SLC39A11: variants seen among roughly 807,000 people sequenced by gnomAD.
SLC39A11 encodes the protein solute carrier family 39 member 11, also known as zinc transporter ZIP11.
A neutral mutation model predicts 36.1 loss-of-function variants in SLC39A11; 33 were observed. The ratio of observed to expected loss-of-function variants is 0.91; its 90% CI spans 0.69 to 1.22. SLC39A11 has a LOEUF of 1.22. Ranked by LOEUF, SLC39A11 falls within the 50% of genes most tolerant of loss-of-function variation. SLC39A11 has a pLI of 0.00. For missense variants in SLC39A11, 432 were observed against 430.3 expected, an observed-to-expected ratio of 1.00 and a Z score of -0.03; for synonymous variants, 166 against 170.3, an observed-to-expected ratio of 0.97 and a Z score of 0.20.
intron 6 of SLC39A11, among the ~76,000 whole-genome samples, chr17:72,742,719 T>C (rs1257035856): frequency 6.6e-6 from 1 of 152,184 alleles, no homozygotes; most frequent in African/African-American, 2.4e-5. Flanking sequence ...ACTTTTAATG[T>C]TTAAAACTGA....
rs377237284 is a variant in SLC39A11, at chr17:72,775,058, C to T, written c.602-38339G>A. On this transcript the variant is annotated intron_variant, in intron 6 of 9. Coordinates refer to ENST00000255559, the MANE Select transcript of SLC39A11 (RefSeq NM_139177.4). ...AGCAGAAACTCTCTGATTTGGAGGGCTGGCTAATATTGTGAGCACCCATTC... is the reference window on the plus strand; with the variant it reads ...AGCAGAAACTCTCTGATTTGGAGGGTTGGCTAATATTGTGAGCACCCATTC... Among the ~76,000 whole-genome samples, 760 of 152,222 alleles carry T rather than the reference C, an allele frequency of 5.0e-3. 8 individuals carry two copies. The highest frequency in any genetic ancestry group is 0.017 in the African/African-American group (723 of 41,538).
intron 7 of SLC39A11, among the ~76,000 whole-genome samples, chr17:72,703,171 T>C (rs1720568853): frequency 6.6e-6 from 1 of 152,048 alleles, no homozygotes; most frequent in Non-Finnish European, 1.5e-5. Context: ...GGGGTTTCCA[T>C]CAGGAGTGGA....
At chr17:72,797,348 G>A (rs2076930749) in intron 6 of SLC39A11, among the ~76,000 whole-genome samples, 3 of 152,112 alleles carry the variant, frequency 2.0e-5, no homozygotes, top group South Asian at 2.1e-4. Flanking sequence ...GTGAAATGGG[G>A]TTGTAGGAAC....
chr17:72,823,865 C>T (rs1306455208), intron 6 of SLC39A11: 4 of 151,362 alleles, frequency 2.6e-5, no homozygotes, highest in Non-Finnish European at 4.4e-5. Flanking sequence ...AGTGCTGTTT[C>T]TTGCAGCTAA....
At chr17:72,893,924 C>A (rs537688816) in intron 5 of SLC39A11, among the ~76,000 whole-genome samples, 1 of 152,246 alleles carries the variant, frequency 6.6e-6, no homozygotes, top group South Asian at 2.1e-4. Context: ...CTGCTATATA[C>A]CAGGCCCTGT....
intron 4 of SLC39A11, among the ~76,000 whole-genome samples, chr17:73,016,808 G>T (rs2058184408): frequency 6.6e-6 from 1 of 152,226 alleles, no homozygotes; most frequent in African/African-American, 2.4e-5. Flanking sequence ...TCAGCCTTCA[G>T]TTGGTTCCCT....
chr17:72,904,406 C>A (rs925953428), intron 5 of SLC39A11, among the ~76,000 whole-genome samples: 3 of 152,174 alleles, frequency 2.0e-5, no homozygotes, highest in African/African-American at 7.2e-5. Context: ...ATACAGTGTC[C>A]AAAATAAGGA....
intron 6 of SLC39A11, among the ~76,000 whole-genome samples, chr17:72,804,582 T>C (rs2077193520): frequency 6.6e-6 from 1 of 152,198 alleles, no homozygotes; most frequent in African/African-American, 2.4e-5. Context: ...CATTTGTTGA[T>C]GAGTAAGGCA....
At chr17:72,708,776 G>C (rs956881389) in intron 7 of SLC39A11, among the ~76,000 whole-genome samples, 4 of 152,196 alleles carry the variant, frequency 2.6e-5, no homozygotes, top group African/African-American at 9.7e-5. Flanking sequence ...AGAAGCTGTA[G>C]CTAGCTCAAT....
intron 3 of SLC39A11, among the ~76,000 whole-genome samples, chr17:73,066,610 C>G (rs918593660): frequency 2.0e-5 from 3 of 152,206 alleles, no homozygotes; most frequent in African/African-American, 7.2e-5. Flanking sequence ...CATTAATACA[C>G]TACATCCCCT....
chr17:72,890,424 A>C (rs1324674921), intron 5 of SLC39A11, among the ~76,000 whole-genome samples: 1 of 152,212 alleles, frequency 6.6e-6, no homozygotes, highest in Non-Finnish European at 1.5e-5. Flanking sequence ...CAAAATCAGC[A>C]GGGCTTGGTA....
chr17:73,065,953 G>A (rs979379014), intron 3 of SLC39A11, among the ~76,000 whole-genome samples: 2 of 152,144 alleles, frequency 1.3e-5, no homozygotes, highest in African/African-American at 4.8e-5. Flanking sequence ...AGTGACAGCT[G>A]AGAATGGCCA....
At position 72,846,018 on chromosome 17, in the gene SLC39A11, C is replaced by CTTTTTTTTTTTTTTTTTTTTTT. The variant is rs569100122; in HGVS notation, c.601+3594_601+3615dup. On this transcript the variant is annotated intron_variant, in intron 6 of 9. Coordinates refer to ENST00000255559, the MANE Select transcript of SLC39A11 (RefSeq NM_139177.4). ...CCAATGAATCTCTCTCTCTCTCTCT[C>CTTTTTTTTTTTTTTTTTTTTTT]TTTTTTTTTTTTTTTTTTTTTTTTT... Among the ~76,000 whole-genome samples the CTTTTTTTTTTTTTTTTTTTTTT allele has an allele frequency of 2.1e-4, 12 of 57,954 alleles. 3 individuals carry two copies. Among genetic ancestry groups the CTTTTTTTTTTTTTTTTTTTTTT allele is most frequent in the African/African-American group, 8.5e-4 (10 of 11,710 alleles). 38.0% of individuals were successfully genotyped at this position (57,954 alleles called of 152,430 possible).
At chr17:73,001,715 A>T (rs2089834679) in intron 4 of SLC39A11, among the ~76,000 whole-genome samples, 1 of 152,130 alleles carries the variant, frequency 6.6e-6, no homozygotes, top group Non-Finnish European at 1.5e-5. Context: ...TTCAAGCCAT[A>T]CAAGTCCAGC....
intron 6 of SLC39A11, chr17:72,838,221 C>A: frequency 5.3e-6 from 2 of 376,880 alleles, no homozygotes; most frequent in Non-Finnish European, 4.6e-6. Flanking sequence ...ATTTATTTTT[C>A]TTTCCTTTTC....
intron 4 of SLC39A11, among the ~76,000 whole-genome samples, chr17:72,983,385 G>A (rs2088479560): frequency 6.6e-6 from 1 of 152,344 alleles, no homozygotes; most frequent in South Asian, 2.1e-4. Flanking sequence ...CTGACCTCAA[G>A]TGAACCACCT....
intron 7 of SLC39A11, among the ~76,000 whole-genome samples, chr17:72,697,862 C>A (rs987593835): frequency 3.3e-5 from 5 of 152,156 alleles, no homozygotes; most frequent in African/African-American, 1.2e-4. Context: ...ATACTCCTGC[C>A]AATGCCCCCT....
chr17:72,803,040 A>C (rs1405867190), intron 6 of SLC39A11, among the ~76,000 whole-genome samples: 1 of 152,214 alleles, frequency 6.6e-6, no homozygotes, highest in Non-Finnish European at 1.5e-5. Flanking sequence ...CCTTTCTATC[A>C]AACAAAAACG....
chr17:72,723,225 T>C (rs1339121950), intron 7 of SLC39A11, among the ~76,000 whole-genome samples: 1 of 152,096 alleles, frequency 6.6e-6, no homozygotes, highest in Non-Finnish European at 1.5e-5. Flanking sequence ...TCCCAGATGC[T>C]TCATAGAGAG....
Sources: allele counts gnomAD v4.1 joint callset (sites outside exome capture counted in the v4.1 genomes callset), GRCh38; gene constraint gnomAD v4.1.1; transcripts MANE v1.5; gene names NCBI Gene and HGNC (gene_info 2026-07-23, HGNC 2026-07-21).